Variants in FRMD4A observed in about 807,000 individuals in gnomAD.
FRMD4A encodes the protein FERM domain-containing protein 4A.
In FRMD4A, 29 loss-of-function variants were observed where a neutral mutation model predicts 129.1. The observed-to-expected ratio is 0.22, with a 90% CI of 0.17 to 0.31. The LOEUF is 0.31. FRMD4A is among the 10% of genes least tolerant of loss of function. The pLI is 1.00. For synonymous variants in FRMD4A, 634 were observed against 571.6 expected, an observed-to-expected ratio of 1.11 and a Z score of -1.56; for missense variants, 1,272 against 1,375.8, an observed-to-expected ratio of 0.92 and a Z score of 1.19.
chr10:13,801,195 C>T (rs866312887), intron 4 of FRMD4A, among the ~76,000 whole-genome samples: 3 of 152,076 alleles, frequency 2.0e-5, no homozygotes, highest in Non-Finnish European at 2.9e-5. Flanking sequence ...TGCAGTGAGC[C>T]GAGATTGCAC....
chr10:13,816,385 G>A (rs1310152573), intron 3 of FRMD4A, among the ~76,000 whole-genome samples: 1 of 152,216 alleles, frequency 6.6e-6, no homozygotes, highest in African/African-American at 2.4e-5. Context: ...GTTGATGGAT[G>A]GGCATGTAGT....
At chr10:13,782,180 G>A (rs752445818) in intron 6 of FRMD4A, among the ~76,000 whole-genome samples, 12 of 151,958 alleles carry the variant, frequency 7.9e-5, no homozygotes, top group African/African-American at 2.2e-4. Context: ...TGACAATAGC[G>A]TCCCTTTGAA....
In FRMD4A at chr10:14,039,488, A is replaced by G. The variant is rs187777328; in HGVS notation, c.46-180576T>C. On this transcript the variant is annotated intron_variant, in intron 2 of 24. Coordinates refer to ENST00000357447, the MANE Select transcript of FRMD4A (RefSeq NM_018027.5). ...TATCTATCTATCTATCTATCTATCT[A>G]TCTATCTATCTATCTATCTATCTAT... is the stretch of plus-strand genomic sequence containing the variant. Among the ~76,000 whole-genome samples the G allele has an allele frequency of 5.6e-3, 840 of 151,076 alleles. 19 individuals carry two copies. Among genetic ancestry groups the G allele is most frequent in the African/African-American group, 0.02 (801 of 40,968 alleles).
chr10:13,736,035 C>T (rs2090610042), intron 12 of FRMD4A, among the ~76,000 whole-genome samples: 1 of 152,112 alleles, frequency 6.6e-6, no homozygotes, highest in East Asian at 1.9e-4. Flanking sequence ...CGCCTGTAAT[C>T]CAGCTACTGG....
At chr10:13,884,103 A>AACACACAC (rs57338480) in intron 2 of FRMD4A, among the ~76,000 whole-genome samples, 10 of 105,702 alleles carry the variant, frequency 9.5e-5, no homozygotes, top group South Asian at 6.8e-4. Context: ...ATGGAAAAGA[A>AACACACAC]ACACACACAC....
At chr10:14,055,476 C>A (rs1339208008) in intron 2 of FRMD4A, among the ~76,000 whole-genome samples, 39 of 149,078 alleles carry the variant, frequency 2.6e-4, no homozygotes, top group East Asian at 9.7e-4. Flanking sequence ...CACACACACA[C>A]ACACACACAC....
chr10:13,837,827 G>A (rs2093899900), intron 3 of FRMD4A, among the ~76,000 whole-genome samples: 1 of 152,122 alleles, frequency 6.6e-6, no homozygotes, highest in Non-Finnish European at 1.5e-5. Context: ...AGAACTGTTG[G>A]GTTCGATATT....
chr10:14,308,233 G>A (rs1034324824), intron 2 of FRMD4A, among the ~76,000 whole-genome samples: 2 of 152,180 alleles, frequency 1.3e-5, no homozygotes, highest in African/African-American at 2.4e-5. Context: ...CTGTAAACTC[G>A]TGGCTCCTCA....
At chr10:13,666,967 A>G (rs2083101177) in intron 17 of FRMD4A, among the ~76,000 whole-genome samples, 1 of 137,998 alleles carries the variant, frequency 7.2e-6, no homozygotes, top group African/African-American at 2.8e-5. Flanking sequence ...GCTGGAGTGC[A>G]CTGGTGCAAT....
At chr10:13,912,532 T>C in intron 2 of FRMD4A, among the ~76,000 whole-genome samples, 1 of 146,616 alleles carries the variant, frequency 6.8e-6, no homozygotes. Context: ...TTTTTTTTTT[T>C]TTTTTTTTTT....
intron 2 of FRMD4A, among the ~76,000 whole-genome samples, chr10:14,021,759 C>A (rs1832767030): frequency 6.6e-6 from 1 of 151,910 alleles, no homozygotes; most frequent in Non-Finnish European, 1.5e-5. Flanking sequence ...TTAGACTATC[C>A]ATACATGTTT....
At chr10:14,000,669 G>GAC (rs1555009733) in intron 2 of FRMD4A, among the ~76,000 whole-genome samples, 1 of 37,972 alleles carries the variant, frequency 2.6e-5, no homozygotes, top group Admixed American at 2.5e-4. Context: ...AAAAAAAAAA[G>GAC]AGAAGAAAGC....
chr10:13,669,683 G>C lies in FRMD4A; in HGVS notation c.1374+723C>G, dbSNP rs530388129. ...ATCTGGGAAAGCATTTCCTGGGCAG[G>C]AGCCCTGGGCCTGAGGGTATACCTG... On this transcript the variant is annotated intron_variant, in intron 17 of 24. Coordinates refer to ENST00000357447, the MANE Select transcript of FRMD4A (RefSeq NM_018027.5). 6.8e-4 allele frequency among the ~76,000 whole-genome samples: 103 copies of C among 152,340 alleles called. 2 individuals are homozygous for C. The South Asian group carries it at 0.012, about 17-fold the overall frequency.
In FRMD4A at chr10:14,313,190, CAA is replaced by C. The variant is rs34896223; in HGVS notation, c.45+16866_45+16867del. ...CAATATAGTGAGACCTCATTTCTAC[CAA>C]AAAAAAAAAATTTTTTTTTAATTAA... On this transcript the variant is annotated intron_variant, in intron 2 of 24. Transcript: ENST00000357447. 2.8e-4 allele frequency among the ~76,000 whole-genome samples: 41 copies of C among 148,440 alleles called. 1 individual carries two copies. The highest frequency in any genetic ancestry group is 6.9e-3 in the Middle Eastern group (2 of 290).
At chr10:14,110,148 G>A (rs376423957) in intron 2 of FRMD4A, among the ~76,000 whole-genome samples, 299 of 30,898 alleles carry the variant, frequency 9.7e-3, no homozygotes, top group East Asian at 0.016. Flanking sequence ...AAAAAAAAAA[G>A]CTCTTTTCTT....
intron 2 of FRMD4A, among the ~76,000 whole-genome samples, chr10:13,998,331 CT>C (rs1279035660): frequency 6.6e-6 from 1 of 152,184 alleles, no homozygotes; most frequent in Non-Finnish European, 1.5e-5. Context: ...CCATTTCAAA[CT>C]GCTCATCTGT....
At chr10:13,654,750 A>G (rs1360826763) in intron 22 of FRMD4A, 7 of 546,858 alleles carry the variant, frequency 1.3e-5, no homozygotes, top group Non-Finnish European at 2.3e-5. Flanking sequence ...ACCCACTACC[A>G]TGCACCTTCA....
intron 2 of FRMD4A, chr10:13,871,137 C>A: frequency 6.1e-6 from 1 of 164,912 alleles, no homozygotes; most frequent in South Asian, 2.0e-4. Flanking sequence ...TGGGTTCGCC[C>A]TGATGACAGA....
Position 14,279,041 on chromosome 10 carries a change from T to A in FRMD4A, c.45+51017A>T, listed in dbSNP as rs12251824. On this transcript the variant is annotated intron_variant, in intron 2 of 24. Coordinates refer to ENST00000357447, the MANE Select transcript of FRMD4A (RefSeq NM_018027.5). ...AATGCATCTAACAGTGTTGGGGCCG[T>A]TTCAGGGAATGTTGAGCACCTGTGT... Among the ~76,000 whole-genome samples, 791 of 152,220 alleles carry A rather than the reference T, an allele frequency of 5.2e-3. 6 individuals are homozygous for A. The highest frequency in any genetic ancestry group is 0.018 in the African/African-American group (756 of 41,528).
Sources: gnomAD v4.1 joint callset for allele counts (sites outside exome capture counted in the v4.1 genomes callset) on GRCh38, gnomAD v4.1.1 for gene constraint, MANE v1.5 for transcripts, NCBI Gene and HGNC (gene_info 2026-07-23, HGNC 2026-07-21) for gene names.